The following RTN1 variants were observed in gnomAD, a reference collection of about 807,000 sequenced individuals.
RTN1 encodes reticulon 1, also known as reticulon-1.
A neutral mutation model predicts 65.5 loss-of-function variants in RTN1; 25 were observed. That is an observed-to-expected ratio of 0.38 (90% CI 0.28 to 0.53). RTN1 has a LOEUF of 0.53. Among genes scored for constraint, RTN1 ranks in the 20% least tolerant of loss-of-function variants. The pLI, the probability that RTN1 is intolerant of heterozygous loss-of-function variation, is 0.79. For synonymous variants in RTN1, 471 were observed against 447.6 expected, an observed-to-expected ratio of 1.05 and a Z score of -0.66; for missense variants, 983 against 1,025.4, an observed-to-expected ratio of 0.96 and a Z score of 0.57.
intron 3 of RTN1, among the ~76,000 whole-genome samples, chr14:59,679,005 T>C (rs1318725445): frequency 2.0e-5 from 3 of 152,182 alleles, no homozygotes; most frequent in African/African-American, 7.2e-5. Flanking sequence ...CAACTGTGAT[T>C]TCAAAAAGCA....
At chr14:59,708,274 A>G (rs986542610) in intron 3 of RTN1, among the ~76,000 whole-genome samples, 3 of 152,256 alleles carry the variant, frequency 2.0e-5, no homozygotes, top group Non-Finnish European at 4.4e-5. Flanking sequence ...GTAAAGCGTG[A>G]AAGTCTGCTT....
At chr14:59,612,001 GACCCCATTGTGAATT>G (rs1250369731) in intron 3 of RTN1, among the ~76,000 whole-genome samples, 2 of 152,146 alleles carry the variant, frequency 1.3e-5, no homozygotes, top group African/African-American at 4.8e-5. Context: ...CTTGCCCAGA[GACCCCATTGTGAATT>G]ACCATTTGGA....
intron 3 of RTN1, among the ~76,000 whole-genome samples, chr14:59,608,517 A>G (rs2140165180): frequency 6.6e-6 from 1 of 152,382 alleles, no homozygotes; most frequent in African/African-American, 2.4e-5. Flanking sequence ...GCAAGGCAAT[A>G]GAGGTGACAT....
chr14:59,740,014 A>G (rs944348885), intron 2 of RTN1, among the ~76,000 whole-genome samples: 2 of 152,206 alleles, frequency 1.3e-5, no homozygotes, highest in African/African-American at 4.8e-5. Flanking sequence ...TTCTGGAGAC[A>G]GGCTGGTGCC....
intron 2 of RTN1, among the ~76,000 whole-genome samples, chr14:59,741,684 C>T (rs959774063): frequency 6.6e-6 from 1 of 152,198 alleles, no homozygotes; most frequent in Non-Finnish European, 1.5e-5. Flanking sequence ...GATCTCGGCC[C>T]TGCCTATCTG....
chr14:59,657,149 C>T (rs1251519522), intron 3 of RTN1, among the ~76,000 whole-genome samples: 1 of 152,210 alleles, frequency 6.6e-6, no homozygotes, highest in African/African-American at 2.4e-5. Flanking sequence ...TGGCTCACAC[C>T]TGTAATCCCA....
chr14:59,764,094 A>C (rs1158086931), intron 1 of RTN1, among the ~76,000 whole-genome samples: 1 of 152,106 alleles, frequency 6.6e-6, no homozygotes, highest in Non-Finnish European at 1.5e-5. Flanking sequence ...ATGAGTGGGA[A>C]GGAATCCGTA....
chr14:59,729,070 C>T (rs1034568113), intron 2 of RTN1, among the ~76,000 whole-genome samples: 2 of 152,040 alleles, frequency 1.3e-5, no homozygotes, highest in African/African-American at 4.8e-5. Flanking sequence ...CCGTGTAGGC[C>T]TCATTGAGAA....
chr14:59,686,565 G>C (rs1355595938), intron 3 of RTN1, among the ~76,000 whole-genome samples: 2 of 152,150 alleles, frequency 1.3e-5, no homozygotes. Context: ...AAGTAAATGA[G>C]AATCCACTAG....
intron 2 of RTN1, among the ~76,000 whole-genome samples, chr14:59,733,078 G>C (rs1458639692): frequency 1.1e-5 from 1 of 94,538 alleles, no homozygotes; most frequent in Non-Finnish European, 1.9e-5. Context: ...TGGTCAGACT[G>C]CTTTTTTTTT....
intron 1 of RTN1, among the ~76,000 whole-genome samples, chr14:59,861,975 G>A (rs556421802): frequency 6.6e-6 from 1 of 151,924 alleles, no homozygotes; most frequent in African/African-American, 2.4e-5. Flanking sequence ...CAGAATCTAG[G>A]GGAGCTATTA....
At chr14:59,782,595 C>G (rs528368465) in intron 1 of RTN1, among the ~76,000 whole-genome samples, 1 of 152,260 alleles carries the variant, frequency 6.6e-6, no homozygotes, top group Admixed American at 6.5e-5. Flanking sequence ...TATCCCAAGT[C>G]TCTTACCTAA....
chr14:59,687,082 C>T (rs938641712), intron 3 of RTN1, among the ~76,000 whole-genome samples: 1 of 152,184 alleles, frequency 6.6e-6, no homozygotes, highest in Non-Finnish European at 1.5e-5. Flanking sequence ...AGAGCCGCTA[C>T]AGCTGCATCT....
At chr14:59,599,507 T>C (rs111917400) in intron 8 of RTN1, among the ~76,000 whole-genome samples, 9,176 of 152,258 alleles carry the variant, frequency 0.06, 355 homozygotes, top group Non-Finnish European at 0.087. Flanking sequence ...CAGACACATA[T>C]TGGATGGATT....
chr14:59,760,255 T>C lies in RTN1; in HGVS notation c.242-13774A>G, dbSNP rs1042243047. 3.2e-4 allele frequency among the ~76,000 whole-genome samples: 48 copies of C among 152,178 alleles called. 1 individual carries two copies. Among genetic ancestry groups the C allele is most frequent in the Non-Finnish European group, 1.5e-5 (1 of 68,030 alleles). On this transcript the variant is annotated intron_variant, in intron 1 of 8. Coordinates refer to ENST00000267484, the MANE Select transcript of RTN1 (RefSeq NM_021136.3). ...ATATGTGTGTATAGACTTATAGTTA[T>C]AGATATCTAGATGCAGATATATAGA...
rs1233286986 is a variant in RTN1 at position 59,870,491 on chromosome 14, G to A, written c.140C>T (p.Pro47Leu). 6.8e-7 allele frequency: 1 copy of A among 1,462,492 alleles called. No homozygotes were observed. The highest frequency in any genetic ancestry group is 2.5e-5 in the Admixed American group (1 of 39,880). 90.6% of individuals were successfully genotyped at this position (1,462,492 alleles called of 1,614,324 possible). ...GGCCCTGGCGCCCAACCCCGGGCTG[G>A]GCTCCCCAGCCTGCGGCGCCGGCGT... ...GATPAPQAGEPSPGLGARARE... is the reference protein window; with the variant it reads ...GATPAPQAGELSPGLGARARE... Residue 47 changes from proline (P) to leucine (L), a missense_variant, in exon 1 of 9, where the codon CCC (proline) becomes CTC (leucine). Pro to Leu is a moderately conservative substitution (Grantham distance 98, BLOSUM62 -3). Transcript: ENST00000267484. This position sits in a 1 kb window ranked among gnomAD's most constrained non-coding sequence, Gnocchi z 5.1.
rs144905159 is a variant in RTN1 at position 59,858,770 on chromosome 14, A to G, written c.241+11620T>C. Among the ~76,000 whole-genome samples, 471 of 152,338 alleles carry G rather than the reference A, an allele frequency of 3.1e-3. 3 individuals carry two copies. The highest frequency in any genetic ancestry group is 0.02 in the Middle Eastern group (6 of 294). On this transcript the variant is annotated intron_variant, in intron 1 of 8. Coordinates refer to ENST00000267484, the MANE Select transcript of RTN1 (RefSeq NM_021136.3). Reference sequence around the variant, plus strand: ...TATACAGATAGTGAGGCAGAGAAAGAAGGAAAGGATCGTATGATGCTTTTA... The same window carrying G: ...TATACAGATAGTGAGGCAGAGAAAGGAGGAAAGGATCGTATGATGCTTTTA...
chr14:59,692,175 G>C (rs1300363087), intron 3 of RTN1, among the ~76,000 whole-genome samples: 1 of 152,154 alleles, frequency 6.6e-6, no homozygotes, highest in Non-Finnish European at 1.5e-5. Context: ...TCCATACCTA[G>C]AAAACCCTAA....
At chr14:59,598,142 G>C (rs1400998173) in intron 8 of RTN1, among the ~76,000 whole-genome samples, 1 of 152,154 alleles carries the variant, frequency 6.6e-6, no homozygotes, top group Non-Finnish European at 1.5e-5. Context: ...AGCAGTCCAA[G>C]TACCCGAAGG....
Sources: allele counts gnomAD v4.1 joint callset (sites outside exome capture counted in the v4.1 genomes callset), GRCh38; gene constraint gnomAD v4.1.1; non-coding constraint Gnocchi (gnomAD v3.1); transcripts MANE v1.5; gene names NCBI Gene and HGNC (gene_info 2026-07-23, HGNC 2026-07-21).